The following DGKA variants were observed in gnomAD, a reference collection of about 807,000 sequenced individuals.
DGKA encodes the protein 80 kDa diacylglycerol kinase.
Under a neutral mutation model 105.0 loss-of-function variants are expected in DGKA, and 35 were observed. That is an observed-to-expected ratio of 0.33 (90% CI 0.25 to 0.44). The LOEUF (loss-of-function observed/expected upper bound fraction) is 0.44. Among genes scored for constraint, DGKA ranks in the 20% least tolerant of loss-of-function variants. DGKA has a pLI of 1.00. For synonymous variants in DGKA, 296 were observed against 332.0 expected, an observed-to-expected ratio of 0.89 and a Z score of 1.18; for missense variants, 665 against 915.0, an observed-to-expected ratio of 0.73 and a Z score of 3.53.
At chr12:55,927,374 G>T (rs1429296389), upstream of DGKA, 1 of 719,974 alleles carries the variant, frequency 1.4e-6, no homozygotes, top group African/African-American at 1.7e-5. Flanking sequence ...GAGAAGTTCC[G>T]AGGCACAGTC....
At chr12:55,951,237 G>T (rs1033820598) in intron 17 of DGKA, among the ~76,000 whole-genome samples, 5 of 152,176 alleles carry the variant, frequency 3.3e-5, no homozygotes, top group African/African-American at 1.2e-4. Flanking sequence ...CACTCTGCCT[G>T]TATAACACTG....
intron 2 of DGKA, 39 bp downstream of exon 2, chr12:55,936,606 G>A: frequency 2.5e-6 from 4 of 1,613,720 alleles, no homozygotes; most frequent in Non-Finnish European, 3.4e-6. Flanking sequence ...TGGAGACCCT[G>A]CCCCAGAGAA....
Position 55,942,414 on chromosome 12 carries a change from AG to A in DGKA, c.1426+152del. 4.3e-6 allele frequency: 3 copies of A among 702,880 alleles called. No homozygotes were observed. In the East Asian group the frequency reaches 8.2e-5, roughly 19 times the overall value. 43.5% of individuals were successfully genotyped at this position (702,880 alleles called of 1,614,324 possible). On this transcript the variant is annotated intron_variant, in intron 17 of 23. Transcript: ENST00000331886. ...GGATACAAAAGTGGAATGTCCAAAA[AG>A]AAGAGAGCTTTGGAAGAAGCAGGGA...
upstream of DGKA, among the ~76,000 whole-genome samples, chr12:55,930,011 G>A (rs118164681): frequency 2.0e-5 from 3 of 152,362 alleles, no homozygotes; most frequent in Non-Finnish European, 4.4e-5. Context: ...AAGGAAAGCT[G>A]AGTGCCTTAG....
At chr12:55,947,372 C>T (rs1887256217) in intron 17 of DGKA, among the ~76,000 whole-genome samples, 1 of 152,152 alleles carries the variant, frequency 6.6e-6, no homozygotes, top group African/African-American at 2.4e-5. Flanking sequence ...ATTTCATATA[C>T]ATGTGCCAAG....
chr12:55,932,239 C>A lies in DGKA; in HGVS notation c.-82+895C>A. 2.5e-6 allele frequency: 1 copy of A among 398,394 alleles called. No individual in the cohort carries two copies. The highest frequency in any genetic ancestry group is 4.7e-6 in the Non-Finnish European group (1 of 213,148). The allele number at this position is 398,394 out of a possible 1,614,324, so 24.7% of individuals were successfully genotyped here. ...TGCTGCTGGGTCGGGAAGGAGGAAG[C>A]GTGACAGCTGGAGCGGGTATCGAGA... is the stretch of plus-strand genomic sequence containing the variant. On this transcript the variant is annotated intron_variant, in intron 1 of 23. Transcript: ENST00000331886. The surrounding 1 kb of genome is among the most constrained non-coding windows in gnomAD (Gnocchi z 4.3).
chr12:55,953,600 AC>A, intron 23 of DGKA, 84 bp from the exon 24 acceptor site: 2 of 1,475,196 alleles, frequency 1.4e-6, no homozygotes, highest in Non-Finnish European at 1.9e-6. Flanking sequence ...CCCACCCCAA[AC>A]CCCACAGATT....
intron 18 of DGKA, 104 bp downstream of exon 18, chr12:55,951,887 A>G: frequency 6.5e-7 from 1 of 1,530,028 alleles, no homozygotes; most frequent in Non-Finnish European, 9.0e-7. Flanking sequence ...CCTGTGACAC[A>G]GGGAAATTGG....
intron 17 of DGKA, 37 bp from the exon 18 acceptor site, chr12:55,951,584 ACC>A (rs760400787): frequency 5.3e-5 from 84 of 1,594,662 alleles, no homozygotes; most frequent in Admixed American, 1.9e-4. Context: ...CCTCTCTGGG[ACC>A]CAGAGCTCAG....
chr12:55,937,745 C>T (rs947778951), intron 4 of DGKA, among the ~76,000 whole-genome samples: 6 of 152,078 alleles, frequency 3.9e-5, no homozygotes, highest in African/African-American at 1.4e-4. Context: ...CACCTGTAGT[C>T]CCAGCACTTT....
At chr12:55,930,234 A>G (rs1277054909), upstream of DGKA, among the ~76,000 whole-genome samples, 1 of 152,150 alleles carries the variant, frequency 6.6e-6, no homozygotes, top group Non-Finnish European at 1.5e-5. Context: ...GACTTAGTGT[A>G]TAAAAGGCCT....
At chr12:55,947,529 T>C (rs1479024125) in intron 17 of DGKA, among the ~76,000 whole-genome samples, 2 of 152,236 alleles carry the variant, frequency 1.3e-5, no homozygotes, top group Admixed American at 1.3e-4. Flanking sequence ...ACAGTTCATA[T>C]TGATTATCAT....
rs1032134441 is a variant in DGKA at position 55,938,064 on chromosome 12, T to C, written c.349+12T>C. ...AGACAAGTTAGAATGTGAGTTGCCC[T>C]TCTGAAGTGAGGTGGCAGGGCAGTG... On this transcript the variant is annotated intron_variant, in intron 5 of 23. Coordinates refer to ENST00000331886, the MANE Select transcript of DGKA (RefSeq NM_001345.5). 3 of 1,612,416 alleles carry C rather than the reference T, an allele frequency of 1.9e-6. No individual in the cohort carries two copies. The highest frequency in any genetic ancestry group is 3.3e-5 in the Admixed American group (2 of 59,954).
chr12:55,952,088 G>C lies in DGKA; in HGVS notation c.1641G>C (p.Lys547Asn). The C allele has an allele frequency of 6.2e-7, 1 of 1,614,122 alleles. No homozygotes were observed. The highest frequency in any genetic ancestry group is 8.5e-7 in the Non-Finnish European group (1 of 1,180,036). The stretch of plus-strand genomic sequence containing the variant: ...TCATGCGAGAGAAATATCCGGAGAA[G>C]TTCAACAGCAGGTTAGGGAAAGGAG... The part of the protein sequence containing the change: ...FHIMREKYPE[K>N]FNSRMKNKLW... Residue 547 changes from lysine (K) to asparagine (N), a missense_variant, in exon 19 of 24, where the codon AAG becomes AAC. By Grantham distance (94) the Lys-to-Asn change is moderately conservative (BLOSUM62 0). This residue lies in a region of DGKA where 504 missense variants were observed against 681.2 expected (regional missense o/e 0.74). Transcript: ENST00000331886. The surrounding 1 kb of genome is among the most constrained non-coding windows in gnomAD (Gnocchi z 5.1).
intron 5 of DGKA, 78 bp downstream of exon 5, chr12:55,938,130 C>G (rs1441046576): frequency 7.5e-6 from 10 of 1,332,914 alleles, no homozygotes; most frequent in Non-Finnish European, 1.1e-5. Flanking sequence ...TTCCCTTATT[C>G]CTTCAGGATT....
Position 55,953,126 on chromosome 12 carries a change from C to G in DGKA, c.2029C>G (p.Arg677Gly), listed in dbSNP as rs373733309. ...QIYTKLKNAG[R>G]RLAKCSEITF... ...CTATACCAAGCTCAAGAATGCTGGA[C>G]GTCGGCTGGCCAAGTGCTCTGAGAT... The change falls in exon 22 of 24, where the codon CGT (arginine) becomes GGT (glycine). Residue 677 changes from arginine to glycine, a missense_variant. By Grantham distance (125) the Arg-to-Gly change is moderately radical. This residue lies in a region of DGKA where 158 missense variants were observed against 213.4 expected (regional missense o/e 0.74). Coordinates refer to ENST00000331886, the MANE Select transcript of DGKA (RefSeq NM_001345.5). 7 of 1,614,068 alleles carry G rather than the reference C, an allele frequency of 4.3e-6. No homozygotes were observed. The highest frequency in any genetic ancestry group is 5.9e-6 in the Non-Finnish European group (7 of 1,180,034).
Position 55,939,208 on chromosome 12 carries a change from A to C in DGKA, c.497A>C (p.Glu166Ala). The change falls in exon 8 of 24, where the codon GAG becomes GCG. Residue 166 changes from glutamate (E) to alanine (A), a missense_variant. By Grantham distance (107) the Glu-to-Ala change is moderately radical (BLOSUM62 -1). Transcript: ENST00000331886. The part of the protein sequence containing the change: ...LRPILQEMMK[E>A]IDYDGSGSVS... ...CAGATTCTTCAGGAGATGATGAAAG[A>C]GATTGACTATGATGGCAGTGGCTCT... The C allele has an allele frequency of 3.1e-6, 5 of 1,614,132 alleles. No individual in the cohort carries two copies. Among genetic ancestry groups the C allele is most frequent in the Non-Finnish European group, 4.2e-6 (5 of 1,180,024 alleles).
At chr12:55,941,755 A>C (rs892962466) in intron 15 of DGKA, among the ~76,000 whole-genome samples, 171 bp downstream of exon 15, 1 of 152,198 alleles carries the variant, frequency 6.6e-6, no homozygotes, top group Non-Finnish European at 1.5e-5. Flanking sequence ...CCATCCTCCG[A>C]GCTCTCTGGC....
chr12:55,948,203 C>A (rs944565984), intron 17 of DGKA, among the ~76,000 whole-genome samples: 1 of 148,256 alleles, frequency 6.7e-6, no homozygotes, highest in Non-Finnish European at 1.5e-5. Context: ...ACTTCAAGAC[C>A]AGCCTGGCCA....
Sources: allele counts gnomAD v4.1 joint callset (sites outside exome capture counted in the v4.1 genomes callset), GRCh38; gene constraint gnomAD v4.1.1; regional missense constraint gnomAD v4.1.1; non-coding constraint Gnocchi (gnomAD v3.1); transcripts MANE v1.5; gene names NCBI Gene and HGNC (gene_info 2026-07-23, HGNC 2026-07-21).